TNRC6B: variants seen among roughly 807,000 people sequenced by gnomAD.
The protein encoded by TNRC6B is trinucleotide repeat containing adaptor 6B.
A neutral mutation model predicts 203.6 loss-of-function variants in TNRC6B; 52 were observed. That is an observed-to-expected ratio of 0.26 (90% CI 0.20 to 0.32). The LOEUF (loss-of-function observed/expected upper bound fraction) is 0.32, where lower values mean the gene tolerates loss of function less well. TNRC6B is among the 10% of genes least tolerant of loss of function. TNRC6B has a pLI of 1.00. For synonymous variants in TNRC6B, 838 were observed against 845.7 expected (o/e 0.99, Z 0.16); for missense variants, 1,923 against 2,286.2 (o/e 0.84, Z 3.24).
At chr22:40,289,459 C>G (rs2070839132) in intron 12 of TNRC6B, among the ~76,000 whole-genome samples, 1 of 152,154 alleles carries the variant, frequency 6.6e-6, no homozygotes, top group South Asian at 2.1e-4. Context: ...CACCTCTGAT[C>G]TTTTCCTTGC....
intron 3 of TNRC6B, among the ~76,000 whole-genome samples, chr22:40,258,817 T>C (rs1269375368): frequency 2.0e-5 from 3 of 152,232 alleles, no homozygotes; most frequent in African/African-American, 7.2e-5. Flanking sequence ...ACCTACCAAA[T>C]TTCTTCAGTT....
chr22:40,269,032 C>T (rs182612603), intron 5 of TNRC6B, among the ~76,000 whole-genome samples: 39 of 150,786 alleles, frequency 2.6e-4, no homozygotes, highest in African/African-American at 8.3e-4. Flanking sequence ...GATTGTACTT[C>T]GTATACTGTT....
At chr22:40,308,192 T>C (rs1034735402) in intron 15 of TNRC6B, among the ~76,000 whole-genome samples, 2 of 152,166 alleles carry the variant, frequency 1.3e-5, no homozygotes, top group South Asian at 2.1e-4. Context: ...TGTCGTCTTC[T>C]CCATCTCAGT....
At chr22:40,281,491 C>T (rs73420537) in intron 11 of TNRC6B, among the ~76,000 whole-genome samples, 4,394 of 137,336 alleles carry the variant, frequency 0.032, 195 homozygotes, top group African/African-American at 0.1. Flanking sequence ...TATTTTAAAC[C>T]TGTATTTTTT....
In TNRC6B at chr22:40,326,447, G is replaced by A. The variant is rs1235053088; in HGVS notation, c.*3206G>A. 1 of 152,640 alleles carries A rather than the reference G, an allele frequency of 6.6e-6. No homozygotes were observed. The highest frequency in any genetic ancestry group is 1.9e-4 in the East Asian group (1 of 5,194). 9.5% of individuals were successfully genotyped at this position (152,640 alleles called of 1,614,324 possible). A position where few individuals can be genotyped will look rare whatever the true frequency, so the allele number is the denominator to read the frequency against. ...AATTCATTATCTTAAAAATATGGGAGAAGGATTAAGCTTTGTAAGAGCTCG... is the reference window on the plus strand; with the variant it reads ...AATTCATTATCTTAAAAATATGGGAAAAGGATTAAGCTTTGTAAGAGCTCG... On this transcript the variant is annotated 3_prime_UTR_variant, in exon 23 of 23. Transcript: ENST00000454349.
In TNRC6B at chr22:40,266,278, T is replaced by G. The variant is rs2070478386; in HGVS notation, c.2048T>G (p.Leu683Arg). ...SNQMKSGWGELSASTEWKDPK... is the reference protein window; with the variant it reads ...SNQMKSGWGERSASTEWKDPK... ...CAAATGAAGTCTGGATGGGGGGAGC[T>G]CTCAGCCTCTACAGAGTGGAAAGAC... Residue 683 changes from leucine to arginine, a missense_variant, in exon 5 of 23, where the codon CTC becomes CGC. Physicochemically the swap from Leu to Arg is moderately radical, Grantham distance 102. Around this residue, in one of 8 missense-constraint regions of TNRC6B, gnomAD observed 599 missense variants for 656.5 expected, o/e 0.91. Transcript: ENST00000454349. 1 of 1,591,278 alleles carries G rather than the reference T, an allele frequency of 6.3e-7. No individual in the cohort carries two copies. Among genetic ancestry groups the G allele is most frequent in the Non-Finnish European group, 8.6e-7 (1 of 1,168,592 alleles).
chr22:40,210,531 T>C (rs1383087945), intron 1 of TNRC6B, among the ~76,000 whole-genome samples: 1 of 152,250 alleles, frequency 6.6e-6, no homozygotes, highest in African/African-American at 2.4e-5. Context: ...GTTAACACTT[T>C]GGTAAAAATT....
chr22:40,154,578 C>G lies in TNRC6B; in HGVS notation c.46-1537C>G, dbSNP rs528047102. On this transcript the variant is annotated intron_variant, in intron 3 of 23. Coordinates refer to the TNRC6B transcript ENST00000301923. ...TTTTCTGGCTGGGCGTGGTGGCTCA[C>G]GCCTGTAATCCTAGCACTTTGGGAG... 3.3e-5 allele frequency among the ~76,000 whole-genome samples: 5 copies of G among 151,488 alleles called. No homozygotes were observed. The East Asian group carries it at 9.7e-4, about 29-fold the overall frequency.
At chr22:40,228,426 G>A (rs545245811) in intron 1 of TNRC6B, among the ~76,000 whole-genome samples, 5 of 151,274 alleles carry the variant, frequency 3.3e-5, no homozygotes, top group East Asian at 1.9e-4. Flanking sequence ...GCAAAATTCC[G>A]TCTCAAAAAT....
chr22:40,211,324 C>T (rs1039229339), intron 1 of TNRC6B, among the ~76,000 whole-genome samples: 3 of 152,162 alleles, frequency 2.0e-5, no homozygotes, highest in African/African-American at 7.2e-5. Flanking sequence ...AAGCGATTCT[C>T]CACCTTGGCC....
In TNRC6B at chr22:40,261,945, A is replaced by T. The variant is rs1350214852; in HGVS notation, c.229A>T (p.Asn77Tyr). The T allele has an allele frequency of 6.2e-7, 1 of 1,612,788 alleles. No individual in the cohort carries two copies. The part of the protein sequence containing the change: ...GNNAKRVAVP[N>Y]GQPPSAARYM... ...CAATGCCAAAAGGGTGGCAGTGCCG[A>T]ACGGACAACCGCCAAGCGCCGCCCG... is the stretch of plus-strand genomic sequence containing the variant. Residue 77 changes from asparagine to tyrosine, a missense_variant, in exon 4 of 23, where the codon AAC becomes TAC. By Grantham distance (143) the Asn-to-Tyr change is moderately radical (BLOSUM62 -2). This residue lies in a region of TNRC6B where 111 missense variants were observed against 155.3 expected (regional missense o/e 0.71). Coordinates refer to ENST00000454349, the MANE Select transcript of TNRC6B (RefSeq NM_001162501.2).
intron 1 of TNRC6B, among the ~76,000 whole-genome samples, chr22:40,207,475 A>G (rs1013044488): frequency 4.7e-5 from 7 of 149,604 alleles, no homozygotes; most frequent in African/African-American, 1.5e-4. Flanking sequence ...CAAGAATGAA[A>G]AAGTTGATAC....
intron 1 of TNRC6B, among the ~76,000 whole-genome samples, chr22:40,228,764 T>C (rs1275536989): frequency 1.3e-5 from 2 of 151,910 alleles, no homozygotes; most frequent in African/African-American, 2.4e-5. Flanking sequence ...GACCTCGTGA[T>C]CCACCCACCT....
intron 1 of TNRC6B, among the ~76,000 whole-genome samples, chr22:40,047,330 G>A (rs2067698879): frequency 6.6e-6 from 1 of 152,154 alleles, no homozygotes. Context: ...GGCTGGGCGC[G>A]ATGGCTCACG....
rs1178835965 is a variant in TNRC6B at position 40,313,034 on chromosome 22, A to G, written c.4678+37A>G. The G allele has an allele frequency of 7.2e-6, 11 of 1,529,476 alleles. No homozygotes were observed. In the African/African-American group the frequency reaches 1.4e-4, roughly 19 times the overall value. 94.7% of individuals were successfully genotyped at this position (1,529,476 alleles called of 1,614,324 possible). A position where few individuals can be genotyped will look rare whatever the true frequency, so the allele number is the denominator to read the frequency against. Reference sequence around the variant, plus strand: ...AATTTTTTGTTTCCCTTTGGTTAGCACTTTTTCATCAGGTTCCCTTTTATA... The same window carrying G: ...AATTTTTTGTTTCCCTTTGGTTAGCGCTTTTTCATCAGGTTCCCTTTTATA... On this transcript the variant is annotated intron_variant, in intron 19 of 22. Transcript: ENST00000454349.
chr22:40,067,085 G>C (rs1265658655), intron 1 of TNRC6B, among the ~76,000 whole-genome samples: 2 of 151,790 alleles, frequency 1.3e-5, no homozygotes, highest in Non-Finnish European at 2.9e-5. Flanking sequence ...TGTATTTTTT[G>C]TAGAGATGGA....
intron 2 of TNRC6B, among the ~76,000 whole-genome samples, chr22:40,249,888 C>T (rs2070162323): frequency 6.6e-6 from 1 of 152,134 alleles, no homozygotes; most frequent in Non-Finnish European, 1.5e-5. Context: ...ATAGAATTAG[C>T]TTGTCATTTA....
chr22:40,114,602 A>G (rs1406972815), intron 1 of TNRC6B, among the ~76,000 whole-genome samples: 1 of 152,146 alleles, frequency 6.6e-6, no homozygotes, highest in Non-Finnish European at 1.5e-5. Flanking sequence ...TGCTAGGATT[A>G]TAGGAGTGAG....
At chr22:40,316,156 C>A in intron 21 of TNRC6B, 144 bp downstream of exon 21, 1 of 637,990 alleles carries the variant, frequency 1.6e-6, no homozygotes, top group Non-Finnish European at 2.7e-6. Context: ...AGATCAAGAC[C>A]ATCCTGGCTA....
Sources: allele counts gnomAD v4.1 joint callset (sites outside exome capture counted in the v4.1 genomes callset), GRCh38; gene constraint gnomAD v4.1.1; regional missense constraint gnomAD v4.1.1; transcripts MANE v1.5; gene names NCBI Gene and HGNC (gene_info 2026-07-23, HGNC 2026-07-21).